Variants in ZNF292 observed in about 807,000 individuals in gnomAD.
The protein encoded by ZNF292 is zinc finger protein 292.
ZNF292 carries 26 observed loss-of-function variants against 217.9 expected under a neutral mutation model. That is an observed-to-expected ratio of 0.12 (90% CI 0.09 to 0.17). ZNF292 has a LOEUF of 0.17. Ranked by LOEUF, ZNF292 falls within the 10% of genes least tolerant of loss-of-function variation. The pLI is 1.00. For missense variants in ZNF292, 2,904 were observed against 3,175.2 expected (o/e 0.91, Z 2.05); for synonymous variants, 1,257 against 1,124.1 (o/e 1.12, Z -2.37).
intron 1 of ZNF292, among the ~76,000 whole-genome samples, chr6:87,179,358 A>T (rs1332519913): frequency 6.6e-6 from 1 of 151,938 alleles, no homozygotes; most frequent in East Asian, 1.9e-4. Flanking sequence ...ACAGGGTTTC[A>T]CCATGTTGGC....
In ZNF292 at chr6:87,256,067, G is replaced by A. The variant is rs756393445; in HGVS notation, c.2438G>A (p.Gly813Asp). 27 of 1,612,152 alleles carry A rather than the reference G, an allele frequency of 1.7e-5. No homozygotes were observed. Among genetic ancestry groups the A allele is most frequent in the Non-Finnish European group, 2.3e-5 (27 of 1,179,058 alleles). The change falls in exon 8 of 8, where the codon GGT becomes GAT. Residue 813 changes from glycine to aspartate, a missense_variant. By Grantham distance (94) the Gly-to-Asp change is moderately conservative. Coordinates refer to ENST00000369577, the MANE Select transcript of ZNF292 (RefSeq NM_015021.3). The part of the protein sequence containing the change: ...HYNTYTCKFT[G>D]CGKVYRSQGE... ...AATACGTACACTTGTAAGTTCACAG[G>A]TTGTGGTAAAGTTTATCGTTCTCAG...
intron 7 of ZNF292, among the ~76,000 whole-genome samples, chr6:87,253,636 C>T (rs1206844320): frequency 7.2e-5 from 11 of 151,978 alleles, no homozygotes; most frequent in Admixed American, 7.2e-4. Context: ...ATTCAGTATC[C>T]CAGGCTCCTT....
rs1253706471 is a variant in ZNF292, at chr6:87,243,463, C to T, written c.742-12C>T. 6.5e-6 allele frequency: 10 copies of T among 1,536,316 alleles called. No individual in the cohort carries two copies. Among genetic ancestry groups the T allele is most frequent in the Non-Finnish European group, 7.9e-6 (9 of 1,142,092 alleles). ...CCATTTTGTGGCATATTTCTATTGG[C>T]TTTTTCTTTAGATTTCAGAAGTTGA... On this transcript the variant is annotated splice_polypyrimidine_tract_variant and intron_variant, in intron 5 of 7. Transcript: ENST00000369577.
At chr6:87,212,190 A>G (rs1772518199) in intron 1 of ZNF292, among the ~76,000 whole-genome samples, 2 of 152,218 alleles carry the variant, frequency 1.3e-5, no homozygotes. Flanking sequence ...AGAAGTACCT[A>G]GGGTGAGATC....
intron 1 of ZNF292, among the ~76,000 whole-genome samples, chr6:87,162,411 CT>C (rs1300674759): frequency 1.3e-5 from 2 of 152,110 alleles, no homozygotes; most frequent in African/African-American, 4.8e-5. Flanking sequence ...AAAAATTAGA[CT>C]TTCTTTTTGA....
intron 4 of ZNF292, among the ~76,000 whole-genome samples, 177 bp from the exon 5 acceptor site, chr6:87,233,148 A>C (rs1030348695): frequency 4.6e-5 from 7 of 152,150 alleles, no homozygotes; most frequent in Non-Finnish European, 4.4e-5. Context: ...AAAAGTTAGC[A>C]ATATAATCTC....
At chr6:87,218,243 G>T (rs867386374) in intron 3 of ZNF292, among the ~76,000 whole-genome samples, 3 of 152,014 alleles carry the variant, frequency 2.0e-5, no homozygotes, top group Admixed American at 1.3e-4. Context: ...TGGTAGATTT[G>T]GGGGAAAACT....
chr6:87,157,766 G>GGGTT (rs1770595403), intron 1 of ZNF292, among the ~76,000 whole-genome samples: 1 of 152,144 alleles, frequency 6.6e-6, no homozygotes, highest in Non-Finnish European at 1.5e-5. Flanking sequence ...TCAGCTCACT[G>GGGTT]CAGCCTCCAT....
intron 7 of ZNF292, among the ~76,000 whole-genome samples, chr6:87,247,770 T>A (rs764117492): frequency 2.6e-5 from 4 of 152,160 alleles, no homozygotes; most frequent in Non-Finnish European, 5.9e-5. Flanking sequence ...ATAATATAAT[T>A]ATGGAAAAAT....
chr6:87,258,614 T>G lies in ZNF292; in HGVS notation c.4985T>G (p.Val1662Gly), dbSNP rs745384711. 21 of 1,613,532 alleles carry G rather than the reference T, an allele frequency of 1.3e-5. 1 individual carries two copies. The highest frequency in any genetic ancestry group is 6.7e-5 in the Admixed American group (4 of 59,872). ...ACAATGGGACTCATAGCAAAGAGTGTTGAAATCCCAACTACTAACCTTCAT... is the reference window on the plus strand; with the variant it reads ...ACAATGGGACTCATAGCAAAGAGTGGTGAAATCCCAACTACTAACCTTCAT... ...LTTMGLIAKS[V>G]EIPTTNLHSN... The change falls in exon 8 of 8, where the codon GTT becomes GGT. Residue 1662 changes from valine to glycine, a missense_variant. Physicochemically the swap from Val to Gly is moderately radical, Grantham distance 109. Transcript: ENST00000369577.
Position 87,260,264 on chromosome 6 carries a change from A to C in ZNF292, c.6635A>C (p.Asp2212Ala). 6.2e-7 allele frequency: 1 copy of C among 1,613,664 alleles called. No individual in the cohort carries two copies. Among genetic ancestry groups the C allele is most frequent in the Non-Finnish European group, 8.5e-7 (1 of 1,179,652 alleles). ...EEIESMTASV[D>A]VGKFPCDQLE... ...ATTGAAAGTATGACTGCTTCAGTGG[A>C]TGTTGGGAAGTTTCCATGTGACCAG... Residue 2212 changes from aspartate to alanine, a missense_variant, in exon 8 of 8, where the codon GAT becomes GCT. Physicochemically the swap from Asp to Ala is moderately radical, Grantham distance 126. Coordinates refer to ENST00000369577, the MANE Select transcript of ZNF292 (RefSeq NM_015021.3).
chr6:87,155,884 G>A (rs1770512035), intron 1 of ZNF292, 125 bp downstream of exon 1: 2 of 1,252,844 alleles, frequency 1.6e-6, no homozygotes, highest in African/African-American at 3.0e-5. Flanking sequence ...GCCTGGGTGG[G>A]AGCGGGAGTA....
chr6:87,223,755 AT>A (rs1773208825), intron 4 of ZNF292: 1 of 151,998 alleles, frequency 6.6e-6, no homozygotes, highest in Non-Finnish European at 1.5e-5. Flanking sequence ...TCCCTCATCA[AT>A]GGGTTTTGTT....
intron 7 of ZNF292, among the ~76,000 whole-genome samples, chr6:87,252,153 T>G (rs1774952906): frequency 6.6e-6 from 1 of 151,938 alleles, no homozygotes; most frequent in Non-Finnish European, 1.5e-5. Flanking sequence ...TTTTTTTTGT[T>G]TTTTGTGTTT....
intron 4 of ZNF292, among the ~76,000 whole-genome samples, chr6:87,221,356 C>T (rs778764701): frequency 2.6e-5 from 4 of 152,150 alleles, no homozygotes; most frequent in Non-Finnish European, 5.9e-5. Flanking sequence ...GTGCTTAATG[C>T]TCAATTATTT....
At chr6:87,207,113 A>G (rs1772280642) in intron 1 of ZNF292, among the ~76,000 whole-genome samples, 1 of 152,168 alleles carries the variant, frequency 6.6e-6, no homozygotes, top group South Asian at 2.1e-4. Flanking sequence ...GCGCATGTGC[A>G]TTTTGCGTAT....
chr6:87,201,183 T>C (rs1772089686), intron 1 of ZNF292, among the ~76,000 whole-genome samples: 1 of 152,224 alleles, frequency 6.6e-6, no homozygotes, highest in Non-Finnish European at 1.5e-5. Flanking sequence ...CATATGGCAC[T>C]ATGTATTATT....
Position 87,257,580 on chromosome 6 carries a change from T to C in ZNF292, c.3951T>C (p.Asn1317=). Residue 1317 remains asparagine (N), a synonymous_variant, in exon 8 of 8, where the codon AAT becomes AAC. Transcript: ENST00000369577. Reference sequence around the variant, plus strand: ...TTCTAAAGGGGGGTAATGGTGAAAATGCAGTTTTTCCTTCACAAGTGAATG... The same window carrying C: ...TTCTAAAGGGGGGTAATGGTGAAAACGCAGTTTTTCCTTCACAAGTGAATG... ...SSFLKGGNGE[N]AVFPSQVNVA... is the part of the protein sequence containing the mutation. 1 of 1,606,562 alleles carries C rather than the reference T, an allele frequency of 6.2e-7. No homozygotes were observed. The highest frequency in any genetic ancestry group is 8.5e-7 in the Non-Finnish European group (1 of 1,176,064).
In ZNF292 at chr6:87,164,052, A is replaced by G. The variant is rs118053780; in HGVS notation, c.168+8293A>G. ...TTTCGCCCACCTCGCCCCGCCAAGTATCGTGTATCAGTTATTGTCATGTTA... is the reference window on the plus strand; with the variant it reads ...TTTCGCCCACCTCGCCCCGCCAAGTGTCGTGTATCAGTTATTGTCATGTTA... On this transcript the variant is annotated intron_variant, in intron 1 of 7. Transcript: ENST00000369577. Among the ~76,000 whole-genome samples, 110 of 152,324 alleles carry G rather than the reference A, an allele frequency of 7.2e-4. 1 individual carries two copies. In the East Asian group the frequency reaches 0.021, roughly 29 times the overall value.
Sources: allele counts gnomAD v4.1 joint callset (sites outside exome capture counted in the v4.1 genomes callset), GRCh38; gene constraint gnomAD v4.1.1; transcripts MANE v1.5; gene names NCBI Gene and HGNC (gene_info 2026-07-23, HGNC 2026-07-21).